The following TCF12 variants were observed in gnomAD, a reference collection of about 807,000 sequenced individuals.
TCF12 encodes transcription factor 12.
A neutral mutation model predicts 86.0 loss-of-function variants in TCF12; 45 were observed. That is an observed-to-expected ratio of 0.52 (90% CI 0.41 to 0.67). The LOEUF (loss-of-function observed/expected upper bound fraction) is 0.67. Among genes scored for constraint, TCF12 ranks in the 30% least tolerant of loss-of-function variants. The probability of loss-of-function intolerance (pLI) is 0.00; values close to 1 mark genes in which losing one functional copy is unlikely to be tolerated. For missense variants in TCF12, 881 were observed against 859.9 expected (o/e 1.02, Z -0.31); for synonymous variants, 330 against 299.6 (o/e 1.10, Z -1.05).
intron 8 of TCF12, among the ~76,000 whole-genome samples, chr15:57,206,275 G>A (rs1328905109): frequency 6.6e-6 from 1 of 152,108 alleles, no homozygotes; most frequent in Non-Finnish European, 1.5e-5. Flanking sequence ...GGCCGAGGCA[G>A]GCAGATCACT....
intron 3 of TCF12, among the ~76,000 whole-genome samples, chr15:57,058,219 A>G (rs1596329751): frequency 2.6e-5 from 4 of 152,312 alleles, no homozygotes; most frequent in Admixed American, 2.6e-4. Flanking sequence ...TGTTTTTCTT[A>G]AAGAGATAGA....
chr15:57,055,258 C>T (rs185061123), intron 3 of TCF12, among the ~76,000 whole-genome samples: 47 of 152,098 alleles, frequency 3.1e-4, no homozygotes, highest in Non-Finnish European at 6.2e-4. Flanking sequence ...AAAAATTAGC[C>T]GAGTGTGGTG....
At chr15:57,187,227 C>T (rs1457192862) in intron 6 of TCF12, among the ~76,000 whole-genome samples, 2 of 151,010 alleles carry the variant, frequency 1.3e-5, no homozygotes, top group African/African-American at 2.4e-5. Context: ...ATGATGATAA[C>T]ATTTAACAAG....
At chr15:57,244,744 G>A (rs931693918) in intron 13 of TCF12, among the ~76,000 whole-genome samples, 18 of 151,670 alleles carry the variant, frequency 1.2e-4, no homozygotes, top group African/African-American at 4.1e-4. Flanking sequence ...GATTACAGGC[G>A]TGACCCACTG....
chr15:57,203,286 T>C (rs1032259478), intron 8 of TCF12, among the ~76,000 whole-genome samples: 1 of 152,332 alleles, frequency 6.6e-6, no homozygotes, highest in South Asian at 2.1e-4. Context: ...AAATCACTCG[T>C]TGAACATCTT....
intron 8 of TCF12, among the ~76,000 whole-genome samples, chr15:57,227,341 C>G (rs983648995): frequency 6.6e-6 from 1 of 152,092 alleles, no homozygotes; most frequent in Non-Finnish European, 1.5e-5. Flanking sequence ...TGCACAGCTC[C>G]AGCCTCTAGA....
chr15:57,020,335 A>G (rs1166104007), intron 3 of TCF12, among the ~76,000 whole-genome samples: 2 of 152,214 alleles, frequency 1.3e-5, no homozygotes, highest in East Asian at 3.8e-4. Flanking sequence ...CGTTCAGTAC[A>G]GTGTAATCCC....
intron 5 of TCF12, among the ~76,000 whole-genome samples, chr15:57,104,137 A>T (rs1233071317): frequency 1.3e-5 from 2 of 152,008 alleles, no homozygotes; most frequent in Non-Finnish European, 2.9e-5. Context: ...AAAGAATATC[A>T]AAAAGTTAAC....
At chr15:57,132,227 C>A (rs1169247629) in intron 5 of TCF12, among the ~76,000 whole-genome samples, 1 of 152,128 alleles carries the variant, frequency 6.6e-6, no homozygotes, top group African/African-American at 2.4e-5. Context: ...CAAAGGGAAT[C>A]TCTGTTGTAG....
At chr15:57,083,170 G>T (rs2048418783) in intron 4 of TCF12, among the ~76,000 whole-genome samples, 1 of 152,156 alleles carries the variant, frequency 6.6e-6, no homozygotes, top group Non-Finnish European at 1.5e-5. Flanking sequence ...GATAGTGTTT[G>T]CTTCTAATGG....
intron 8 of TCF12, among the ~76,000 whole-genome samples, chr15:57,210,954 G>A (rs973542980): frequency 2.0e-5 from 3 of 152,210 alleles, no homozygotes; most frequent in Non-Finnish European, 4.4e-5. Flanking sequence ...TAGTGCAGGA[G>A]CCTCAGCCCA....
intron 3 of TCF12, among the ~76,000 whole-genome samples, chr15:56,996,240 G>A (rs2063708610): frequency 6.6e-6 from 1 of 152,030 alleles, no homozygotes; most frequent in South Asian, 2.1e-4. Flanking sequence ...CTGGCCTGAA[G>A]TTTTCTCTTT....
chr15:57,075,804 T>TTCTTTCTTTCTCTCTC (rs1461514777), intron 4 of TCF12, among the ~76,000 whole-genome samples: 89 of 28,578 alleles, frequency 3.1e-3, no homozygotes, highest in Non-Finnish European at 3.9e-3. Flanking sequence ...CTTTCTTTCT[T>TTCTTTCTTTCTCTCTC]TCTCTCTCTC....
intron 18 of TCF12, among the ~76,000 whole-genome samples, chr15:57,271,941 T>C (rs1244011258): frequency 1.3e-5 from 2 of 152,190 alleles, no homozygotes; most frequent in Non-Finnish European, 2.9e-5. Context: ...TCAAAAAATG[T>C]CCTTATTCCC....
chr15:57,253,450 C>A lies in TCF12; in HGVS notation c.1449C>A (p.Ser483Arg), dbSNP rs767918783. 6.2e-7 allele frequency: 1 copy of A among 1,614,048 alleles called. No individual in the cohort carries two copies. Among genetic ancestry groups the A allele is most frequent in the Admixed American group, 1.7e-5 (1 of 60,014 alleles). ...ATGGAGGATCAAGCCTTGTTGCAAG[C>A]AGTCGATCAGCTTCAATGGTAAAAT... ...SNYGGSSLVA[S>R]SRSASMVGTH... The change falls in exon 16 of 21, where the codon AGC becomes AGA. Residue 483 changes from serine to arginine, a missense_variant. Physicochemically the swap from Ser to Arg is moderately radical, Grantham distance 110 (BLOSUM62 -1). This residue lies in a region of TCF12 where 766 missense variants were observed against 718.9 expected (regional missense o/e 1.07). Transcript: ENST00000333725.
intron 3 of TCF12, among the ~76,000 whole-genome samples, chr15:56,947,975 T>C (rs1311141045): frequency 6.6e-6 from 1 of 152,166 alleles, no homozygotes; most frequent in Non-Finnish European, 1.5e-5. Context: ...CTTAATTTAG[T>C]TGGCTCTAAG....
At chr15:57,249,390 AT>A (rs1333189474) in intron 13 of TCF12, among the ~76,000 whole-genome samples, 1 of 145,912 alleles carries the variant, frequency 6.9e-6, no homozygotes, top group East Asian at 2.0e-4. Flanking sequence ...CCTTAAAATA[AT>A]TTGTTTATAA....
At chr15:57,214,335 A>G (rs2058244943) in intron 8 of TCF12, 1 of 152,140 alleles carries the variant, frequency 6.6e-6, no homozygotes, top group African/African-American at 2.4e-5. Flanking sequence ...GTTCATGTTG[A>G]TGTCGGAGGG....
At chr15:56,992,746 T>A (rs1277563172) in intron 3 of TCF12, among the ~76,000 whole-genome samples, 1 of 152,238 alleles carries the variant, frequency 6.6e-6, no homozygotes, top group Non-Finnish European at 1.5e-5. Flanking sequence ...GTGTTACGGC[T>A]ATCTTTTCAT....
Sources: gnomAD v4.1 joint callset for allele counts (sites outside exome capture counted in the v4.1 genomes callset) on GRCh38, gnomAD v4.1.1 for gene constraint, gnomAD v4.1.1 regional missense constraint, MANE v1.5 for transcripts, NCBI Gene and HGNC (gene_info 2026-07-23, HGNC 2026-07-21) for gene names.